The following SGCZ variants were observed in gnomAD, a reference collection of about 807,000 sequenced individuals.
SGCZ encodes zeta-sarcoglycan.
SGCZ carries 40 observed loss-of-function variants against 41.3 expected under a neutral mutation model. The observed-to-expected ratio is 0.97, with a 90% CI of 0.75 to 1.26. SGCZ has a LOEUF of 1.26. Ranked by LOEUF, SGCZ falls within the 50% of genes most tolerant of loss-of-function variation. SGCZ has a pLI of 0.00. For synonymous variants in SGCZ, 206 were observed against 137.5 expected (o/e 1.50, Z -3.49); for missense variants, 552 against 369.8 (o/e 1.49, Z -4.04).
intron 4 of SGCZ, among the ~76,000 whole-genome samples, chr8:14,230,523 A>T (rs1029558176): frequency 3.3e-5 from 5 of 152,082 alleles, no homozygotes. Flanking sequence ...CAGATCTGGG[A>T]TTTAGCAGTC....
rs577287167 is a variant in SGCZ, at chr8:14,420,909, C to T, written c.235-96705G>A. On this transcript the variant is annotated intron_variant, in intron 2 of 7. Coordinates refer to ENST00000382080, the MANE Select transcript of SGCZ (RefSeq NM_139167.4). Reference sequence around the variant, plus strand: ...TGTATGCAGTTCTTTCCAGATTTAACGAAATGGCCTGTAGATGTTCCTGAT... The same window carrying T: ...TGTATGCAGTTCTTTCCAGATTTAATGAAATGGCCTGTAGATGTTCCTGAT... 7.2e-5 allele frequency among the ~76,000 whole-genome samples: 11 copies of T among 152,162 alleles called. No homozygotes were observed. In the South Asian group the frequency reaches 8.3e-4, roughly 11 times the overall value.
chr8:14,114,067 T>C (rs1210731527), intron 5 of SGCZ, among the ~76,000 whole-genome samples: 1 of 152,042 alleles, frequency 6.6e-6, no homozygotes, highest in African/African-American at 2.4e-5. Flanking sequence ...AACATTGCAT[T>C]GCAATTTGCT....
intron 2 of SGCZ, among the ~76,000 whole-genome samples, chr8:14,533,763 A>G (rs1221357525): frequency 6.6e-6 from 1 of 152,018 alleles, no homozygotes; most frequent in Non-Finnish European, 1.5e-5. Flanking sequence ...ACCAAAATAT[A>G]TCTTTCCTCC....
chr8:14,104,398 C>G (rs1017715849), intron 6 of SGCZ, among the ~76,000 whole-genome samples: 6 of 146,842 alleles, frequency 4.1e-5, no homozygotes, highest in African/African-American at 1.5e-4. Flanking sequence ...CAACAAGATA[C>G]AGTTTTTAAG....
chr8:14,096,222 T>C (rs915610597), intron 7 of SGCZ, among the ~76,000 whole-genome samples: 1 of 152,188 alleles, frequency 6.6e-6, no homozygotes, highest in Admixed American at 6.5e-5. Context: ...CCATTCCTTA[T>C]GACATTTGCT....
chr8:14,527,711 G>T (rs1276817417), intron 2 of SGCZ, among the ~76,000 whole-genome samples: 1 of 152,020 alleles, frequency 6.6e-6, no homozygotes, highest in East Asian at 1.9e-4. Flanking sequence ...CTAGTAACAT[G>T]TAAGTACTCA....
chr8:14,325,229 A>C lies in SGCZ; in HGVS notation c.235-1025T>G, dbSNP rs1802052121. Among the ~76,000 whole-genome samples the C allele has an allele frequency of 3.3e-5, 5 of 152,096 alleles. No homozygotes were observed. In the South Asian group the frequency reaches 1.0e-3, roughly 32 times the overall value. On this transcript the variant is annotated intron_variant, in intron 2 of 7. Transcript: ENST00000382080. ...TGATACAGTATTACTAATAATGCAT[A>C]ATTGCGTAGTAGTTTGAGGAATATG...
chr8:14,210,896 G>A (rs1198657918), intron 4 of SGCZ, among the ~76,000 whole-genome samples: 4 of 152,172 alleles, frequency 2.6e-5, no homozygotes, highest in African/African-American at 9.7e-5. Context: ...AATCATAACG[G>A]CTTTTACTGT....
chr8:14,715,913 A>G (rs1332276009), intron 1 of SGCZ, among the ~76,000 whole-genome samples: 1 of 152,184 alleles, frequency 6.6e-6, no homozygotes, highest in African/African-American at 2.4e-5. Context: ...ACAATTTGGT[A>G]GAAATAAAGA....
At chr8:14,909,245 T>C (rs1469830901) in intron 1 of SGCZ, among the ~76,000 whole-genome samples, 1 of 152,208 alleles carries the variant, frequency 6.6e-6, no homozygotes, top group East Asian at 1.9e-4. Flanking sequence ...TGTCCTCAAA[T>C]TATGACTTGT....
At chr8:14,842,719 T>C (rs1203105077) in intron 1 of SGCZ, among the ~76,000 whole-genome samples, 2 of 152,186 alleles carry the variant, frequency 1.3e-5, no homozygotes, top group Non-Finnish European at 2.9e-5. Flanking sequence ...AGTTACATGA[T>C]GAAAATGTAC....
intron 1 of SGCZ, among the ~76,000 whole-genome samples, chr8:14,873,513 T>A (rs1488971000): frequency 6.6e-6 from 1 of 152,096 alleles, no homozygotes; most frequent in African/African-American, 2.4e-5. Context: ...GTTCTTTAAG[T>A]TGGAACACAC....
chr8:15,139,555 A>G (rs1454693691), intron 1 of SGCZ, among the ~76,000 whole-genome samples: 2 of 152,196 alleles, frequency 1.3e-5, no homozygotes, highest in Non-Finnish European at 2.9e-5. Flanking sequence ...AGAAACCTAT[A>G]GAGAGTAAAA....
chr8:14,413,318 G>C (rs1799410791), intron 2 of SGCZ, among the ~76,000 whole-genome samples: 1 of 151,712 alleles, frequency 6.6e-6, no homozygotes. Context: ...AGCAATATTA[G>C]CTCACCTTTC....
intron 2 of SGCZ, among the ~76,000 whole-genome samples, chr8:14,460,433 G>A (rs1413677526): frequency 6.6e-6 from 1 of 152,198 alleles, no homozygotes; most frequent in African/African-American, 2.4e-5. Flanking sequence ...TATATTAACT[G>A]GAGAGCAGTT....
At chr8:14,260,572 T>C (rs1215090168) in intron 3 of SGCZ, among the ~76,000 whole-genome samples, 2 of 148,354 alleles carry the variant, frequency 1.3e-5, no homozygotes, top group African/African-American at 4.9e-5. Context: ...GGAAATACCA[T>C]TTGACCCAGC....
intron 2 of SGCZ, among the ~76,000 whole-genome samples, chr8:14,535,563 A>T (rs1012039146): frequency 5.3e-5 from 8 of 152,002 alleles, no homozygotes; most frequent in Admixed American, 3.9e-4. Context: ...TGTAGGAAAC[A>T]AATCCTATTA....
At chr8:14,657,120 T>G (rs527269140) in intron 1 of SGCZ, among the ~76,000 whole-genome samples, 1 of 152,218 alleles carries the variant, frequency 6.6e-6, no homozygotes, top group African/African-American at 2.4e-5. Flanking sequence ...AATGTTTACA[T>G]ATCTTTAAAA....
intron 1 of SGCZ, among the ~76,000 whole-genome samples, chr8:14,585,443 T>C (rs576293424): frequency 6.3e-4 from 96 of 152,256 alleles, no homozygotes; most frequent in Middle Eastern, 3.4e-3. Context: ...ATTTTCATTG[T>C]AGGGCTACAC....
Sources: allele counts gnomAD v4.1 joint callset (sites outside exome capture counted in the v4.1 genomes callset), GRCh38; gene constraint gnomAD v4.1.1; transcripts MANE v1.5; gene names NCBI Gene and HGNC (gene_info 2026-07-23, HGNC 2026-07-21).